The following NBEA variants were observed in gnomAD, a reference collection of about 807,000 sequenced individuals.
NBEA encodes neurobeachin, also known as lysosomal-trafficking regulator 2.
Under a neutral mutation model 343.4 loss-of-function variants are expected in NBEA, and 44 were observed. The ratio of observed to expected loss-of-function variants is 0.13; its 90% CI spans 0.10 to 0.16. NBEA has a LOEUF of 0.16. Among genes scored for constraint, NBEA ranks in the 10% least tolerant of loss-of-function variants. The pLI, the probability that NBEA is intolerant of heterozygous loss-of-function variation, is 1.00. For synonymous variants in NBEA, 1,175 were observed against 1,238.7 expected (o/e 0.95, Z 1.08); for missense variants, 2,555 against 3,631.3 (o/e 0.70, Z 7.62).
At chr13:35,465,794 C>T (rs2075363636) in intron 40 of NBEA, among the ~76,000 whole-genome samples, 1 of 151,266 alleles carries the variant, frequency 6.6e-6, no homozygotes, top group Non-Finnish European at 1.5e-5. Context: ...TCTAGGAAAT[C>T]ACACATTGCC....
intron 36 of NBEA, among the ~76,000 whole-genome samples, chr13:35,319,214 C>G (rs768612604): frequency 1.3e-5 from 2 of 152,140 alleles, no homozygotes; most frequent in Non-Finnish European, 2.9e-5. Context: ...AGATCTTTCC[C>G]GCTTTCCATT....
intron 21 of NBEA, among the ~76,000 whole-genome samples, chr13:35,157,684 A>G (rs1244868410): frequency 6.6e-6 from 1 of 152,034 alleles, no homozygotes; most frequent in African/African-American, 2.4e-5. Context: ...GTTTAGTGGT[A>G]TTTTAATTGC....
intron 11 of NBEA, among the ~76,000 whole-genome samples, chr13:35,101,488 T>G (rs1315793863): frequency 6.6e-6 from 1 of 151,942 alleles, no homozygotes; most frequent in Admixed American, 6.6e-5. Context: ...TTATTAGCTA[T>G]TTATTGATAT....
At chr13:35,104,524 A>G (rs2065819496) in intron 11 of NBEA, among the ~76,000 whole-genome samples, 1 of 151,974 alleles carries the variant, frequency 6.6e-6, no homozygotes, top group African/African-American at 2.4e-5. Flanking sequence ...GATTACCTGC[A>G]AAGAGTAACT....
At chr13:35,169,648 C>A (rs1451563365) in intron 25 of NBEA, among the ~76,000 whole-genome samples, 2 of 151,580 alleles carry the variant, frequency 1.3e-5, no homozygotes, top group African/African-American at 4.8e-5. Flanking sequence ...GAACACAGAT[C>A]TAGATATTCT....
At chr13:35,125,686 G>A (rs1013801634) in intron 17 of NBEA, among the ~76,000 whole-genome samples, 2 of 152,126 alleles carry the variant, frequency 1.3e-5, no homozygotes, top group African/African-American at 4.8e-5. Context: ...CACATCATCA[G>A]TGCAGGTGAA....
intron 51 of NBEA, among the ~76,000 whole-genome samples, chr13:35,649,052 G>A (rs570418378): frequency 6.6e-6 from 1 of 152,210 alleles, no homozygotes; most frequent in South Asian, 2.1e-4. Flanking sequence ...AGAAGAAAAA[G>A]CATTGGCCCT....
At chr13:35,480,122 T>C (rs1354119033) in intron 41 of NBEA, among the ~76,000 whole-genome samples, 1 of 150,454 alleles carries the variant, frequency 6.6e-6, no homozygotes, top group Non-Finnish European at 1.5e-5. Flanking sequence ...GTAGTATTAG[T>C]GAATATAAAA....
At chr13:35,125,336 TAGG>T (rs2152679715) in intron 17 of NBEA, among the ~76,000 whole-genome samples, 1 of 152,236 alleles carries the variant, frequency 6.6e-6, no homozygotes, top group South Asian at 2.1e-4. Flanking sequence ...TTATAGCAAA[TAGG>T]AAGTGTCAGT....
At chr13:35,430,789 C>T (rs538694772) in intron 38 of NBEA, among the ~76,000 whole-genome samples, 2 of 152,122 alleles carry the variant, frequency 1.3e-5, no homozygotes, top group Non-Finnish European at 2.9e-5. Context: ...CCTTAAATTA[C>T]TGGGATTAGT....
chr13:35,619,658 C>A (rs890992800), intron 48 of NBEA, among the ~76,000 whole-genome samples: 1 of 152,114 alleles, frequency 6.6e-6, no homozygotes, highest in Non-Finnish European at 1.5e-5. Flanking sequence ...CACCCCAATT[C>A]CCTAGCTTGA....
intron 1 of NBEA, among the ~76,000 whole-genome samples, chr13:34,998,381 A>C (rs2061009281): frequency 1.3e-5 from 2 of 152,190 alleles, no homozygotes; most frequent in South Asian, 4.1e-4. Flanking sequence ...CTTATCAGGA[A>C]ACAGGGTTTG....
chr13:35,537,296 ATATATACAGGGTCT>A (rs1566284594), intron 41 of NBEA, among the ~76,000 whole-genome samples: 2 of 152,082 alleles, frequency 1.3e-5, no homozygotes, highest in African/African-American at 2.4e-5. Context: ...TAGACCCTGT[ATATATACAGGGTCT>A]CCTAGCTTAA....
intron 48 of NBEA, among the ~76,000 whole-genome samples, chr13:35,622,759 A>G (rs2083050384): frequency 6.6e-6 from 1 of 152,176 alleles, no homozygotes. Context: ...AGAAAAAGGG[A>G]TGGGAAATAT....
intron 30 of NBEA, among the ~76,000 whole-genome samples, chr13:35,189,920 A>T (rs1461977389): frequency 6.6e-6 from 1 of 152,080 alleles, no homozygotes; most frequent in Non-Finnish European, 1.5e-5. Flanking sequence ...ATTTAGAGTG[A>T]TTTAACTCAC....
At chr13:35,065,722 G>C (rs1477614145) in intron 8 of NBEA, among the ~76,000 whole-genome samples, 1 of 151,982 alleles carries the variant, frequency 6.6e-6, no homozygotes, top group Non-Finnish European at 1.5e-5. Flanking sequence ...TTACAGGAAA[G>C]CTACAAGCAC....
At chr13:35,474,386 A>C (rs1477887777) in intron 41 of NBEA, 1 of 152,678 alleles carries the variant, frequency 6.5e-6, no homozygotes, top group African/African-American at 2.4e-5. Flanking sequence ...ATAACATTTC[A>C]AGTATATTTA....
At chr13:35,154,025 T>C (rs911689404) in intron 18 of NBEA, among the ~76,000 whole-genome samples, 3 of 152,218 alleles carry the variant, frequency 2.0e-5, no homozygotes, top group Non-Finnish European at 4.4e-5. Context: ...TGGGGTCCTT[T>C]GTTTAGAAAG....
intron 45 of NBEA, among the ~76,000 whole-genome samples, chr13:35,567,683 A>T (rs1404918326): frequency 6.6e-6 from 1 of 152,212 alleles, no homozygotes; most frequent in East Asian, 1.9e-4. Context: ...AGCCATAGTA[A>T]AGCCTCAGCC....
Sources: gnomAD v4.1 joint callset for allele counts (sites outside exome capture counted in the v4.1 genomes callset) on GRCh38, gnomAD v4.1.1 for gene constraint, MANE v1.5 for transcripts, NCBI Gene and HGNC (gene_info 2026-07-23, HGNC 2026-07-21) for gene names.